ZGRF1: variants seen among roughly 807,000 people sequenced by gnomAD.
The protein encoded by ZGRF1 is zinc finger GRF-type containing 1, also known as 5'-3' DNA helicase ZGRF1.
Under a neutral mutation model 203.5 loss-of-function variants are expected in ZGRF1, and 196 were observed. That is an observed-to-expected ratio of 0.96 (90% CI 0.86 to 1.08). The LOEUF is 1.08. Among genes scored for constraint, ZGRF1 ranks in the 50% least tolerant of loss-of-function variants. The pLI, the probability that ZGRF1 is intolerant of heterozygous loss-of-function variation, is 0.00. For synonymous variants in ZGRF1, 809 were observed against 841.3 expected, an observed-to-expected ratio of 0.96 and a Z score of 0.66; for missense variants, 2,326 against 2,416.3, an observed-to-expected ratio of 0.96 and a Z score of 0.78.
In ZGRF1 at chr4:112,587,504, T is replaced by C; in HGVS notation, c.3553A>G (p.Ser1185Gly). 1 of 1,613,982 alleles carries C rather than the reference T, an allele frequency of 6.2e-7. No individual in the cohort carries two copies. The highest frequency in any genetic ancestry group is 8.5e-7 in the Non-Finnish European group (1 of 1,179,858). The change falls in exon 12 of 28, where the codon AGT becomes GGT. Residue 1185 changes from serine (S) to glycine (G), a missense_variant. Transcript: ENST00000505019. ...TTGACAGCATCACTCTGTCTTTCAC[T>C]TGTGTCTCTAAAATGCATCCCAGAA... ...AVSGMHFRDT[S>G]ERQSDAVNES...
intron 19 of ZGRF1, among the ~76,000 whole-genome samples, chr4:112,559,849 C>T (rs900551140): frequency 1.4e-4 from 21 of 152,236 alleles, no homozygotes; most frequent in African/African-American, 5.1e-4. Context: ...ACCCACTAGG[C>T]TATATGGAGG....
At chr4:112,541,809 G>T (rs897271292) in intron 24 of ZGRF1, among the ~76,000 whole-genome samples, 2 of 152,010 alleles carry the variant, frequency 1.3e-5, no homozygotes, top group Non-Finnish European at 2.9e-5. Context: ...TTACAGGCGT[G>T]AGCCACCACG....
chr4:112,589,505 G>C (rs1389150170), intron 11 of ZGRF1: 6 of 545,834 alleles, frequency 1.1e-5, no homozygotes, highest in Non-Finnish European at 1.9e-5. Context: ...ACAAAGTTGG[G>C]AGGAGAAACA....
At chr4:112,593,827 G>A (rs976888945) in intron 10 of ZGRF1, among the ~76,000 whole-genome samples, 1 of 89,464 alleles carries the variant, frequency 1.1e-5, no homozygotes, top group Non-Finnish European at 2.3e-5. Flanking sequence ...AGGCTGGAAT[G>A]CTCACAGCTC....
At position 112,618,315 on chromosome 4, in the gene ZGRF1, G is replaced by C. The variant is rs759061381; in HGVS notation, c.1727C>G (p.Ser576Cys). The change falls in exon 6 of 28, where the codon TCT (serine) becomes TGT (cysteine). Residue 576 changes from serine to cysteine, a missense_variant. Physicochemically the swap from Ser to Cys is moderately radical, Grantham distance 112. Coordinates refer to ENST00000505019, the MANE Select transcript of ZGRF1 (RefSeq NM_018392.5). ...AATCTCTTCACAGTTTGTATTCTCAGACCTCTTTTGAAAACATGAATTGCC... is the reference window on the plus strand; with the variant it reads ...AATCTCTTCACAGTTTGTATTCTCACACCTCTTTTGAAAACATGAATTGCC... ...NDGNSCFQKR[S>C]ENTNCEEIEG... 6.2e-7 allele frequency: 1 copy of C among 1,613,868 alleles called. No individual in the cohort carries two copies. Among genetic ancestry groups the C allele is most frequent in the South Asian group, 1.1e-5 (1 of 91,044 alleles).
Position 112,541,219 on chromosome 4 carries a change from A to T in ZGRF1, c.5648T>A (p.Ile1883Asn), listed in dbSNP as rs971288068. The change falls in exon 25 of 28, where the codon ATC (isoleucine) becomes AAC (asparagine). Residue 1883 changes from isoleucine (I) to asparagine (N), a missense_variant. Coordinates refer to ENST00000505019, the MANE Select transcript of ZGRF1 (RefSeq NM_018392.5). ...LRTQYRCHPA[I>N]SAIANDLFYK... ...AAACAGATCATTAGCAATAGCACTG[A>T]TTGCAGGATGACAACGGTATTGAGT... The T allele has an allele frequency of 1.3e-5, 21 of 1,608,912 alleles. No individual in the cohort carries two copies. Among genetic ancestry groups the T allele is most frequent in the Non-Finnish European group, 5.1e-6 (6 of 1,176,716 alleles).
chr4:112,572,652 A>G (rs1744407999), intron 16 of ZGRF1, among the ~76,000 whole-genome samples: 1 of 152,236 alleles, frequency 6.6e-6, no homozygotes, highest in East Asian at 1.9e-4. Context: ...CAATCTATAC[A>G]TCTGACAAAC....
chr4:112,589,631 G>T, intron 11 of ZGRF1, 93 bp downstream of exon 11: 1 of 1,142,032 alleles, frequency 8.8e-7, no homozygotes, highest in Non-Finnish European at 1.3e-6. Flanking sequence ...CACTGAATCT[G>T]GTTCTAAGAT....
intron 10 of ZGRF1, among the ~76,000 whole-genome samples, chr4:112,595,209 G>A (rs1218660008): frequency 2.0e-5 from 3 of 152,182 alleles, no homozygotes; most frequent in African/African-American, 7.2e-5. Flanking sequence ...AGTTGTCATT[G>A]CCTGTACATG....
At chr4:112,624,670 A>G (rs936999655) in intron 3 of ZGRF1, among the ~76,000 whole-genome samples, 25 of 143,082 alleles carry the variant, frequency 1.7e-4, no homozygotes, top group Admixed American at 1.5e-3. Flanking sequence ...GTAAGGGGGG[A>G]AAAAGGATGC....
chr4:112,617,669 A>C lies in ZGRF1; in HGVS notation c.2373T>G (p.Ile791Met). ...CAACATGGTCAGGGGGTGGACTTCT[A>C]ATCTTTCCCAAATCTTCAGGTTCAG... ...HISEPEDLGK[I>M]RSPPPDHVEV... The change falls in exon 6 of 28, where the codon ATT becomes ATG. Residue 791 changes from isoleucine to methionine, a missense_variant. Coordinates refer to ENST00000505019, the MANE Select transcript of ZGRF1 (RefSeq NM_018392.5). 6.2e-7 allele frequency: 1 copy of C among 1,613,906 alleles called. No individual in the cohort carries two copies. The highest frequency in any genetic ancestry group is 8.5e-7 in the Non-Finnish European group (1 of 1,179,922).
chr4:112,563,370 A>G (rs1578733531), intron 16 of ZGRF1, 96 bp from the exon 17 acceptor site: 1 of 847,770 alleles, frequency 1.2e-6, no homozygotes, highest in Non-Finnish European at 1.8e-6. Flanking sequence ...GTGTACATAT[A>G]TCTATAGTAC....
intron 16 of ZGRF1, among the ~76,000 whole-genome samples, chr4:112,564,402 T>C (rs1332260133): frequency 6.6e-6 from 1 of 152,196 alleles, no homozygotes; most frequent in East Asian, 1.9e-4. Context: ...AAGATTTCAA[T>C]ACCCAAATGC....
chr4:112,618,056 A>G lies in ZGRF1; in HGVS notation c.1986T>C (p.Ala662=), dbSNP rs1248292252. Residue 662 remains alanine (A), a synonymous_variant, in exon 6 of 28, where the codon GCT becomes GCC. Transcript: ENST00000505019. Reference sequence around the variant, plus strand: ...TTCTGACTTCTTGAATAGGTTTATTAGCATCTTCTTTATTATCTCCGTATA... The same window carrying G: ...TTCTGACTTCTTGAATAGGTTTATTGGCATCTTCTTTATTATCTCCGTATA... ...DAVYGDNKED[A]NKPIQEVRIN... 1 of 1,613,662 alleles carries G rather than the reference A, an allele frequency of 6.2e-7. No homozygotes were observed.
Position 112,562,098 on chromosome 4 carries a change from A to G in ZGRF1, c.4697+273T>C, listed in dbSNP as rs554690913. Among the ~76,000 whole-genome samples, 13 of 152,076 alleles carry G rather than the reference A, an allele frequency of 8.5e-5. No homozygotes were observed. The South Asian group carries it at 2.7e-3, about 32-fold the overall frequency. On this transcript the variant is annotated intron_variant, in intron 18 of 27. Transcript: ENST00000505019. ...CTAATTTTGTATTTTTAGTAGAGAC[A>G]GGGTTTCTCCATGTTGGTCAGGCTG... is the stretch of plus-strand genomic sequence containing the variant.
At chr4:112,627,512 G>A (rs1274525769) in intron 3 of ZGRF1, among the ~76,000 whole-genome samples, 7 of 152,102 alleles carry the variant, frequency 4.6e-5, no homozygotes, top group African/African-American at 1.2e-4. Flanking sequence ...AGGCCGAGGC[G>A]GGTGGATCAT....
At position 112,548,274 on chromosome 4, in the gene ZGRF1, G is replaced by T; in HGVS notation, c.5453C>A (p.Ala1818Asp). The change falls in exon 23 of 28, where the codon GCC becomes GAC. Residue 1818 changes from alanine (A) to aspartate (D), a missense_variant. Physicochemically the swap from Ala to Asp is moderately radical, Grantham distance 126. Transcript: ENST00000505019. ...TTACCTTGCAATGGGAAGGAGAGAGGCCGGTTCAGTTATCTGACTACACTC... is the reference window on the plus strand; with the variant it reads ...TTACCTTGCAATGGGAAGGAGAGAGTCCGGTTCAGTTATCTGACTACACTC... Reference protein sequence around the residue: ...LDECSQITEPASLLPIARFEC... With the variant: ...LDECSQITEPDSLLPIARFEC... The T allele has an allele frequency of 6.4e-7, 1 of 1,552,174 alleles. No individual in the cohort carries two copies. Among genetic ancestry groups the T allele is most frequent in the Non-Finnish European group, 8.7e-7 (1 of 1,147,056 alleles).
intron 2 of ZGRF1, among the ~76,000 whole-genome samples, chr4:112,632,556 A>G (rs2047446189): frequency 1.3e-5 from 2 of 152,238 alleles, no homozygotes; most frequent in Admixed American, 1.3e-4. Flanking sequence ...ATGTATATGC[A>G]ATATTGTAAG....
At chr4:112,628,889 T>C (rs2047320058) in intron 3 of ZGRF1, 3 of 419,666 alleles carry the variant, frequency 7.1e-6, no homozygotes, top group Non-Finnish European at 1.4e-5. Flanking sequence ...AAAAGTTATA[T>C]AGAATAGCAT....
Sources: gnomAD v4.1 joint callset for allele counts (sites outside exome capture counted in the v4.1 genomes callset) on GRCh38, gnomAD v4.1.1 for gene constraint, MANE v1.5 for transcripts, NCBI Gene and HGNC (gene_info 2026-07-23, HGNC 2026-07-21) for gene names.